Variants in MCCC1 observed in about 807,000 individuals in gnomAD.
The protein encoded by MCCC1 is methylcrotonoyl-CoA carboxylase subunit alpha, mitochondrial.
A neutral mutation model predicts 83.8 loss-of-function variants in MCCC1; 64 were observed. The observed-to-expected ratio is 0.76, with a 90% CI of 0.62 to 0.94. The LOEUF (loss-of-function observed/expected upper bound fraction) is 0.94, where lower values mean the gene tolerates loss of function less well. Ranked by LOEUF, MCCC1 falls within the 40% of genes least tolerant of loss-of-function variation. The probability of loss-of-function intolerance (pLI) is 0.00; values close to 1 mark genes in which losing one functional copy is unlikely to be tolerated. For missense variants in MCCC1, 807 were observed against 904.7 expected (o/e 0.89, Z 1.39); for synonymous variants, 322 against 315.4 (o/e 1.02, Z -0.22).
chr3:183,101,090 C>T (rs1430744794), upstream of MCCC1, among the ~76,000 whole-genome samples: 16 of 152,390 alleles, frequency 1.0e-4, no homozygotes, highest in South Asian at 2.1e-4. Context: ...GCTGGCCCAC[C>T]GGCGCTGCGC....
At chr3:183,048,117 G>A (rs1042779077) in intron 9 of MCCC1, among the ~76,000 whole-genome samples, 11 of 152,140 alleles carry the variant, frequency 7.2e-5, no homozygotes, top group Non-Finnish European at 1.2e-4. Flanking sequence ...ATGGTGTTAT[G>A]CAGCATATGA....
intron 14 of MCCC1, among the ~76,000 whole-genome samples, chr3:183,028,624 G>A (rs757498584): frequency 2.0e-5 from 3 of 152,196 alleles, no homozygotes; most frequent in Non-Finnish European, 4.4e-5. Flanking sequence ...AATGACTCAT[G>A]GATGACTTTT....
chr3:183,098,985 G>A (rs1485463011), intron 1 of MCCC1: 3 of 381,834 alleles, frequency 7.9e-6, no homozygotes. Flanking sequence ...GGGCTTCCCC[G>A]GAACCGGATT....
At chr3:183,092,679 A>G in intron 2 of MCCC1, 134 bp from the exon 3 acceptor site, 1 of 1,075,204 alleles carries the variant, frequency 9.3e-7, no homozygotes, top group South Asian at 1.4e-5. Flanking sequence ...AGCATAACTG[A>G]GCCCAAAATG....
At position 183,099,340 on chromosome 3, in the gene MCCC1, C is replaced by T. The variant is rs1553870973; in HGVS notation, c.89+12G>A. The T allele has an allele frequency of 2.5e-6, 4 of 1,589,356 alleles. No homozygotes were observed. The East Asian group carries it at 6.9e-5, about 27-fold the overall frequency. ...CCGCCTCTGCCCACTGAGCCATGGCCCCTCCACCCACCTCGGCGGCAGGAG... is the reference window on the plus strand; with the variant it reads ...CCGCCTCTGCCCACTGAGCCATGGCTCCTCCACCCACCTCGGCGGCAGGAG... On this transcript the variant is annotated intron_variant, in intron 1 of 18. Coordinates refer to ENST00000265594, the MANE Select transcript of MCCC1 (RefSeq NM_020166.5).
At chr3:183,088,197 GT>G (rs1718044523) in intron 3 of MCCC1, among the ~76,000 whole-genome samples, 1 of 149,418 alleles carries the variant, frequency 6.7e-6, no homozygotes, top group South Asian at 2.1e-4. Context: ...TGTTGTTGTT[GT>G]TGTTGTTGTG....
chr3:183,033,941 G>C lies in MCCC1; in HGVS notation c.1681+50C>G, dbSNP rs757463005. ...CTGGAATCCTCTTTTTCAGATTAAT[G>C]TGATACATTTCTATGACTCACATTT... On this transcript the variant is annotated intron_variant, in intron 14 of 18. Coordinates refer to ENST00000265594, the MANE Select transcript of MCCC1 (RefSeq NM_020166.5). The C allele has an allele frequency of 2.1e-5, 29 of 1,378,576 alleles. 2 individuals are homozygous for C. The South Asian group carries it at 3.4e-4, about 16-fold the overall frequency. The allele number at this position is 1,378,576 out of a possible 1,614,324, so 85.4% of individuals were successfully genotyped here. A position where few individuals can be genotyped will look rare whatever the true frequency, so the allele number is the denominator to read the frequency against.
chr3:183,085,390 G>C (rs2108551024), intron 4 of MCCC1, among the ~76,000 whole-genome samples: 1 of 152,154 alleles, frequency 6.6e-6, no homozygotes, highest in South Asian at 2.1e-4. Context: ...TCTCACTTTG[G>C]GAACTGAGGC....
chr3:183,053,815 CAAAAA>C (rs565897328), intron 8 of MCCC1, among the ~76,000 whole-genome samples: 1 of 111,046 alleles, frequency 9.0e-6, no homozygotes. Context: ...AAAAAAAAAA[CAAAAA>C]AAAACAAAAA....
Position 183,076,541 on chromosome 3 carries a change from T to C in MCCC1, c.370-4054A>G, listed in dbSNP as rs368704277. Among the ~76,000 whole-genome samples the C allele has an allele frequency of 2.6e-5, 4 of 152,326 alleles. No individual in the cohort carries two copies. The East Asian group carries it at 7.7e-4, about 29-fold the overall frequency. ...CTTGGGTAAATACCCAGGAGTGCAA[T>C]TGTTTGGTCCTAATATGGTAAGAAT... On this transcript the variant is annotated intron_variant, in intron 4 of 18. Coordinates refer to ENST00000265594, the MANE Select transcript of MCCC1 (RefSeq NM_020166.5).
At position 183,092,407 on chromosome 3, in the gene MCCC1, A is replaced by T. The variant is rs1306533215; in HGVS notation, c.273+2T>A. On this transcript the variant is annotated splice_donor_variant, in intron 3 of 18. Coordinates refer to ENST00000265594, the MANE Select transcript of MCCC1 (RefSeq NM_020166.5). LOFTEE classifies it high-confidence loss of function. ...ACGTGGCTTCCAATTTTTAACACAT[A>T]CCATATCTACATGCATGGAATTTCT... 6.2e-7 allele frequency: 1 copy of T among 1,614,150 alleles called. No individual in the cohort carries two copies. The highest frequency in any genetic ancestry group is 1.7e-5 in the Admixed American group (1 of 60,012).
chr3:183,017,577 T>G lies in MCCC1; in HGVS notation c.1978-240A>C, dbSNP rs1399518613. 7.7e-6 allele frequency: 4 copies of G among 522,552 alleles called. No individual in the cohort carries two copies. The African/African-American group carries it at 7.7e-5, about 10-fold the overall frequency. 32.4% of individuals were successfully genotyped at this position (522,552 alleles called of 1,614,324 possible). On this transcript the variant is annotated intron_variant, in intron 17 of 18. Coordinates refer to ENST00000265594, the MANE Select transcript of MCCC1 (RefSeq NM_020166.5). ...AAGTAGAGCCCATGTGGTTGTGCCA[T>G]CTGCCAAATGCACTGGTCAAATCAG...
intron 15 of MCCC1, among the ~76,000 whole-genome samples, chr3:183,025,051 G>A (rs1454374004): frequency 1.3e-5 from 2 of 151,782 alleles, no homozygotes; most frequent in Non-Finnish European, 2.9e-5. Flanking sequence ...AATTACAGAA[G>A]GACAAATACT....
intron 1 of MCCC1, among the ~76,000 whole-genome samples, chr3:183,106,887 TCACA>T (rs1719415611): frequency 6.6e-6 from 1 of 152,106 alleles, no homozygotes; most frequent in African/African-American, 2.4e-5. Flanking sequence ...ACACACACAC[TCACA>T]CATGCATACA....
intron 7 of MCCC1, among the ~76,000 whole-genome samples, chr3:183,062,472 A>G (rs1715916214): frequency 6.8e-6 from 1 of 148,012 alleles, no homozygotes; most frequent in Non-Finnish European, 1.5e-5. Flanking sequence ...CTCCTGCCTC[A>G]GCCTCCCAAG....
intron 4 of MCCC1, among the ~76,000 whole-genome samples, chr3:183,074,639 A>G (rs1016274639): frequency 6.6e-6 from 1 of 152,246 alleles, no homozygotes; most frequent in Non-Finnish European, 1.5e-5. Context: ...GAAACAATGC[A>G]ATGCCAGATA....
At chr3:183,024,379 T>G (rs557152605) in intron 15 of MCCC1, among the ~76,000 whole-genome samples, 91 of 152,352 alleles carry the variant, frequency 6.0e-4, no homozygotes, top group African/African-American at 2.1e-3. Flanking sequence ...TGATGGCTAA[T>G]GGAATGTGTA....
At chr3:183,114,522 C>T (rs1719557163) in intron 1 of MCCC1, among the ~76,000 whole-genome samples, 1 of 152,200 alleles carries the variant, frequency 6.6e-6, no homozygotes, top group Non-Finnish European at 1.5e-5. Context: ...CACTGCAGAA[C>T]TGATGGCTTG....
chr3:183,026,217 T>A (rs1453613497), intron 14 of MCCC1, among the ~76,000 whole-genome samples: 1 of 152,046 alleles, frequency 6.6e-6, no homozygotes, highest in East Asian at 1.9e-4. Context: ...ATTTTTTGAT[T>A]TTTTTGTAGA....
Sources: allele counts gnomAD v4.1 joint callset (sites outside exome capture counted in the v4.1 genomes callset), GRCh38; gene constraint gnomAD v4.1.1; transcripts MANE v1.5; gene names NCBI Gene and HGNC (gene_info 2026-07-23, HGNC 2026-07-21).